OSBP: variants seen among roughly 807,000 people sequenced by gnomAD.
OSBP encodes the protein oxysterol binding protein.
Under a neutral mutation model 96.6 loss-of-function variants are expected in OSBP, and 32 were observed. The observed-to-expected ratio is 0.33, with a 90% CI of 0.25 to 0.45. The LOEUF is 0.45. Among genes scored for constraint, OSBP ranks in the 20% least tolerant of loss-of-function variants. The probability of loss-of-function intolerance (pLI) is 1.00; values close to 1 mark genes in which losing one functional copy is unlikely to be tolerated. For missense variants in OSBP, 653 were observed against 1,029.7 expected (o/e 0.63, Z 5.01); for synonymous variants, 369 against 389.6 (o/e 0.95, Z 0.62).
Position 59,615,335 on chromosome 11 carries a change from G to A in OSBP, c.330C>T (p.Phe110=), listed in dbSNP as rs761868177. 1.2e-6 allele frequency: 2 copies of A among 1,607,136 alleles called. No individual in the cohort carries two copies. Among genetic ancestry groups the A allele is most frequent in the Admixed American group, 1.7e-5 (1 of 59,650 alleles). ...NYIKGYQRRW[F]VLSNGLLSYY... is the part of the protein sequence containing the mutation. Reference sequence around the variant, plus strand: ...AGCTCAGGAGCCCGTTGCTCAGCACGAACCATCGCCGCTGGTAGCCTTTGA... The same window carrying A: ...AGCTCAGGAGCCCGTTGCTCAGCACAAACCATCGCCGCTGGTAGCCTTTGA... The change falls in exon 1 of 14, where the codon TTC becomes TTT. Residue 110 remains phenylalanine (F), a synonymous_variant. Transcript: ENST00000263847.
chr11:59,604,324 A>T (rs1860754101), intron 3 of OSBP, among the ~76,000 whole-genome samples: 1 of 152,226 alleles, frequency 6.6e-6, no homozygotes, highest in South Asian at 2.1e-4. Flanking sequence ...AGACAGAAGG[A>T]GTACCTGAGA....
chr11:59,593,434 A>G, intron 9 of OSBP, 170 bp downstream of exon 9: 1 of 646,752 alleles, frequency 1.5e-6, no homozygotes, highest in Non-Finnish European at 2.7e-6. Context: ...TCTAGCCTCC[A>G]CACTCATTTG....
chr11:59,586,024 C>T (rs1860495465), intron 9 of OSBP, among the ~76,000 whole-genome samples: 1 of 152,088 alleles, frequency 6.6e-6, no homozygotes, highest in Admixed American at 6.6e-5. Context: ...GGGACACAAA[C>T]ACTGTGGAAG....
chr11:59,576,445 T>C lies in OSBP; in HGVS notation c.*132A>G. The C allele has an allele frequency of 9.6e-7, 1 of 1,045,654 alleles. No individual in the cohort carries two copies. Among genetic ancestry groups the C allele is most frequent in the Non-Finnish European group, 1.4e-6 (1 of 720,544 alleles). The allele number at this position is 1,045,654 out of a possible 1,614,324, so 64.8% of individuals were successfully genotyped here. ...CTGGTGTCTCCTTCTGGTGATTGAT[T>C]TGGAAAAAATGATTGGTCAAGAGAG... On this transcript the variant is annotated 3_prime_UTR_variant, in exon 14 of 14. Coordinates refer to ENST00000263847, the MANE Select transcript of OSBP (RefSeq NM_002556.3).
At chr11:59,611,183 T>C (rs996694276) in intron 1 of OSBP, among the ~76,000 whole-genome samples, 1 of 150,232 alleles carries the variant, frequency 6.7e-6, no homozygotes, top group African/African-American at 2.4e-5. Context: ...AGAAATAGGC[T>C]ATACTGAGGT....
rs944567129 is a variant in OSBP, at chr11:59,600,617, T to G, written c.1190A>C (p.Gln397Pro). Residue 397 changes from glutamine (Q) to proline (P), a missense_variant, in exon 7 of 14, where the codon CAG (glutamine) becomes CCG (proline). Gln to Pro is a moderately conservative substitution (Grantham distance 76). Coordinates refer to ENST00000263847, the MANE Select transcript of OSBP (RefSeq NM_002556.3). ...CTTTTCCTTTTTGGTCTCCTCCAGC[T>G]GATGCTTGTACTGAGAGCAAAACAA... ...DISLDEQYKH[Q>P]LEETKKEKRT... 3.1e-6 allele frequency: 5 copies of G among 1,613,868 alleles called. No homozygotes were observed. The African/African-American group carries it at 6.7e-5, about 22-fold the overall frequency.
At chr11:59,588,622 G>C (rs1334565919) in intron 9 of OSBP, among the ~76,000 whole-genome samples, 1 of 152,020 alleles carries the variant, frequency 6.6e-6, no homozygotes, top group South Asian at 2.1e-4. Flanking sequence ...GGGTGGTGAT[G>C]GTTGCACAAC....
intron 7 of OSBP, among the ~76,000 whole-genome samples, chr11:59,597,374 C>A (rs1860672448): frequency 6.6e-6 from 1 of 152,252 alleles, no homozygotes; most frequent in South Asian, 2.1e-4. Context: ...TAAGCAGGAA[C>A]TACATTCCTG....
intron 3 of OSBP, among the ~76,000 whole-genome samples, chr11:59,605,230 T>G (rs1860767848): frequency 6.6e-6 from 1 of 152,170 alleles, no homozygotes; most frequent in Admixed American, 6.5e-5. Context: ...TTAGTTGGTA[T>G]GATCTGCAGC....
chr11:59,593,220 T>C (rs1474108627), intron 9 of OSBP, among the ~76,000 whole-genome samples: 1 of 152,032 alleles, frequency 6.6e-6, no homozygotes, highest in Non-Finnish European at 1.5e-5. Flanking sequence ...AAGGATTAGC[T>C]AAGAAACCTA....
At position 59,612,628 on chromosome 11, in the gene OSBP, G is replaced by A. The variant is rs547683184; in HGVS notation, c.363-2039C>T. Among the ~76,000 whole-genome samples the A allele has an allele frequency of 3.5e-4, 54 of 152,174 alleles. 1 individual carries two copies. Among genetic ancestry groups the A allele is most frequent in the African/African-American group, 1.3e-3 (53 of 41,506 alleles). On this transcript the variant is annotated intron_variant, in intron 1 of 13. Coordinates refer to ENST00000263847, the MANE Select transcript of OSBP (RefSeq NM_002556.3). ...CTTGATCTCGGAGCTCTTGAGTCTG[G>A]GCAGATACACTTATGATTATAAATG...
At position 59,599,834 on chromosome 11, in the gene OSBP, C is replaced by T. The variant is rs376928792; in HGVS notation, c.1311+662G>A. Among the ~76,000 whole-genome samples the T allele has an allele frequency of 1.9e-4, 29 of 152,278 alleles. No homozygotes were observed. In the South Asian group the frequency reaches 5.0e-3, roughly 26 times the overall value. ...ATCCTAATGACTAGAACTTGGGATGCGTGGGGTAGAGCCTCGCCCATGGGG... is the reference window on the plus strand; with the variant it reads ...ATCCTAATGACTAGAACTTGGGATGTGTGGGGTAGAGCCTCGCCCATGGGG... On this transcript the variant is annotated intron_variant, in intron 7 of 13. Transcript: ENST00000263847.
intron 3 of OSBP, among the ~76,000 whole-genome samples, chr11:59,602,791 T>C (rs1860738615): frequency 6.6e-6 from 1 of 152,168 alleles, no homozygotes; most frequent in Non-Finnish European, 1.5e-5. Flanking sequence ...CCGACTAATT[T>C]TTGTATTTTG....
Position 59,610,649 on chromosome 11 carries a change from T to C in OSBP, c.363-60A>G, listed in dbSNP as rs1287397717. The C allele has an allele frequency of 1.0e-5, 14 of 1,338,518 alleles. No individual in the cohort carries two copies. The African/African-American group carries it at 2.0e-4, about 19-fold the overall frequency. 82.9% of individuals were successfully genotyped at this position (1,338,518 alleles called of 1,614,324 possible). On this transcript the variant is annotated intron_variant, in intron 1 of 13. Coordinates refer to ENST00000263847, the MANE Select transcript of OSBP (RefSeq NM_002556.3). ...AGTTGACGGTTTATCCTTTATCACATTCCATTTCTTTTCATAACTCTGAGC... is the reference window on the plus strand; with the variant it reads ...AGTTGACGGTTTATCCTTTATCACACTCCATTTCTTTTCATAACTCTGAGC...
chr11:59,600,678 G>C (rs545409437), intron 6 of OSBP, 51 bp from the exon 7 acceptor site: 1 of 1,592,730 alleles, frequency 6.3e-7, no homozygotes, highest in Non-Finnish European at 8.5e-7. Flanking sequence ...AGAAAACCTG[G>C]TATTTATAAC....
intron 2 of OSBP, among the ~76,000 whole-genome samples, chr11:59,609,001 A>G (rs1001431759): frequency 1.3e-5 from 2 of 152,182 alleles, no homozygotes; most frequent in African/African-American, 4.8e-5. Flanking sequence ...AAGCCCAGGA[A>G]TCTGCCTTTC....
intron 9 of OSBP, among the ~76,000 whole-genome samples, chr11:59,587,075 G>A (rs1426160957): frequency 5.3e-5 from 8 of 152,080 alleles, no homozygotes; most frequent in Non-Finnish European, 8.8e-5. Flanking sequence ...TAGCAACAGA[G>A]TAAAAATGTA....
chr11:59,583,237 A>G (rs755758826), intron 9 of OSBP, among the ~76,000 whole-genome samples: 1 of 152,098 alleles, frequency 6.6e-6, no homozygotes, highest in Non-Finnish European at 1.5e-5. Flanking sequence ...ACTTGAACCC[A>G]GGAGGCGGAG....
intron 1 of OSBP, among the ~76,000 whole-genome samples, chr11:59,614,863 A>C (rs1449256740): frequency 6.6e-6 from 1 of 152,214 alleles, no homozygotes; most frequent in Non-Finnish European, 1.5e-5. Context: ...AGTTTTGGAG[A>C]CTGGGCACTG....
Sources: allele counts gnomAD v4.1 joint callset (sites outside exome capture counted in the v4.1 genomes callset), GRCh38; gene constraint gnomAD v4.1.1; transcripts MANE v1.5; gene names NCBI Gene and HGNC (gene_info 2026-07-23, HGNC 2026-07-21).